Variants in HS6ST3 observed in about 807,000 individuals in gnomAD.
HS6ST3 encodes the protein heparan-sulfate 6-O-sulfotransferase 3.
In HS6ST3, 12 loss-of-function variants were observed where a neutral mutation model predicts 36.7. The observed-to-expected ratio is 0.33, with a 90% confidence interval of 0.21 to 0.53. The LOEUF is 0.53. HS6ST3 is among the 20% of genes least tolerant of loss of function. The pLI, the probability that HS6ST3 is intolerant of heterozygous loss-of-function variation, is 0.95. For missense variants in HS6ST3, 584 were observed against 640.9 expected (o/e 0.91, Z 0.96); for synonymous variants, 240 against 257.5 (o/e 0.93, Z 0.65).
intron 1 of HS6ST3, among the ~76,000 whole-genome samples, chr13:96,317,378 A>ATATAAAAT (rs1555297629): frequency 3.0e-5 from 3 of 101,326 alleles, no homozygotes; most frequent in Admixed American, 1.1e-4. Context: ...AAAATTATAT[A>ATATAAAAT]TATATATATA....
rs371114095 is a variant in HS6ST3 at position 96,606,279 on chromosome 13, T to C, written c.708-226211T>C. ...AAAAGACACATGCACTCGTATGTTA[T>C]TTGAAGCACTTTTCACACTAACAAA... On this transcript the variant is annotated intron_variant, in intron 1 of 1. Transcript: ENST00000376705. Among the ~76,000 whole-genome samples, 16 of 152,260 alleles carry C rather than the reference T, an allele frequency of 1.1e-4. 1 individual carries two copies. The highest frequency in any genetic ancestry group is 3.9e-4 in the African/African-American group (16 of 41,558).
intron 1 of HS6ST3, among the ~76,000 whole-genome samples, chr13:96,471,901 A>G (rs1216673688): frequency 1.3e-5 from 2 of 152,162 alleles, no homozygotes; most frequent in Non-Finnish European, 2.9e-5. Flanking sequence ...ATGGGTATGT[A>G]GGAGCTGAGG....
intron 1 of HS6ST3, among the ~76,000 whole-genome samples, chr13:96,447,752 G>C (rs1317050457): frequency 6.6e-6 from 1 of 152,158 alleles, no homozygotes; most frequent in Non-Finnish European, 1.5e-5. Flanking sequence ...ATGCAAATCA[G>C]ACCACCTCCT....
intron 1 of HS6ST3, among the ~76,000 whole-genome samples, chr13:96,521,214 TG>T (rs768513118): frequency 1.6e-4 from 24 of 152,238 alleles, no homozygotes; most frequent in Non-Finnish European, 3.4e-4. Flanking sequence ...TTGATTGTGG[TG>T]GACAAGCTTT....
chr13:96,666,917 A>G (rs1398822651), intron 1 of HS6ST3, among the ~76,000 whole-genome samples: 1 of 152,196 alleles, frequency 6.6e-6, no homozygotes, highest in African/African-American at 2.4e-5. Context: ...TTTTAATTGT[A>G]TAATGTCATC....
At chr13:96,623,021 C>T (rs538568022) in intron 1 of HS6ST3, among the ~76,000 whole-genome samples, 1 of 152,266 alleles carries the variant, frequency 6.6e-6, no homozygotes, top group Admixed American at 6.5e-5. Flanking sequence ...TTTTATTCTA[C>T]ATCTCATAGT....
intron 1 of HS6ST3, among the ~76,000 whole-genome samples, chr13:96,459,433 A>T (rs2055771621): frequency 6.6e-6 from 1 of 152,118 alleles, no homozygotes; most frequent in African/African-American, 2.4e-5. Flanking sequence ...AAGTTAAAAA[A>T]AAACTGAAAG....
intron 1 of HS6ST3, among the ~76,000 whole-genome samples, chr13:96,691,233 T>C (rs1349367157): frequency 6.6e-6 from 1 of 152,164 alleles, no homozygotes; most frequent in African/African-American, 2.4e-5. Flanking sequence ...CAGGGCCATG[T>C]GTAAATGATT....
At chr13:96,499,003 A>G (rs2138911468) in intron 1 of HS6ST3, among the ~76,000 whole-genome samples, 1 of 151,610 alleles carries the variant, frequency 6.6e-6, no homozygotes, top group South Asian at 2.1e-4. Flanking sequence ...TGACAAAGGG[A>G]ATTAAACTGG....
chr13:96,128,665 C>A (rs2053962579), intron 1 of HS6ST3, among the ~76,000 whole-genome samples: 1 of 152,116 alleles, frequency 6.6e-6, no homozygotes, highest in Non-Finnish European at 1.5e-5. Context: ...CTGGTTCACC[C>A]CTTTCCTGGC....
chr13:96,382,328 T>C (rs2055345511), intron 1 of HS6ST3, among the ~76,000 whole-genome samples: 1 of 152,214 alleles, frequency 6.6e-6, no homozygotes, highest in African/African-American at 2.4e-5. Flanking sequence ...CTCTATTTCT[T>C]CCTTTCTAAA....
chr13:96,353,545 A>T (rs187932166), intron 1 of HS6ST3, among the ~76,000 whole-genome samples: 92 of 152,200 alleles, frequency 6.0e-4, no homozygotes, highest in Non-Finnish European at 9.1e-4. Flanking sequence ...TATTAGAAGA[A>T]AATGTTACCA....
chr13:96,366,455 A>G (rs2055263362), intron 1 of HS6ST3, among the ~76,000 whole-genome samples: 1 of 151,882 alleles, frequency 6.6e-6, no homozygotes, highest in Admixed American at 6.6e-5. Context: ...TCTCAAATAA[A>G]TAAATAAATA....
At chr13:96,817,056 C>T (rs1184027222) in intron 1 of HS6ST3, among the ~76,000 whole-genome samples, 1 of 152,106 alleles carries the variant, frequency 6.6e-6, no homozygotes, top group East Asian at 1.9e-4. Flanking sequence ...ACACCATCAG[C>T]ACCATCAGGC....
At chr13:96,781,949 T>A (rs1423463930) in intron 1 of HS6ST3, among the ~76,000 whole-genome samples, 1 of 152,186 alleles carries the variant, frequency 6.6e-6, no homozygotes, top group Non-Finnish European at 1.5e-5. Context: ...GAAAGAGTAA[T>A]CTTATTTTCA....
At chr13:96,443,641 C>T (rs889998626) in intron 1 of HS6ST3, among the ~76,000 whole-genome samples, 1 of 151,708 alleles carries the variant, frequency 6.6e-6, no homozygotes, top group African/African-American at 2.4e-5. Flanking sequence ...TATCTATTCA[C>T]TTATTTATTG....
intron 1 of HS6ST3, among the ~76,000 whole-genome samples, chr13:96,438,371 T>A (rs901951365): frequency 6.6e-6 from 1 of 152,368 alleles, no homozygotes; most frequent in East Asian, 1.9e-4. Context: ...CATACTCTTA[T>A]GTGAAATTCT....
intron 1 of HS6ST3, among the ~76,000 whole-genome samples, chr13:96,152,499 G>A (rs1359601847): frequency 3.3e-5 from 5 of 151,710 alleles, no homozygotes; most frequent in African/African-American, 9.7e-5. Flanking sequence ...CACCACGCCC[G>A]GCTAATTTTT....
At chr13:96,377,710 C>A (rs1291812456) in intron 1 of HS6ST3, among the ~76,000 whole-genome samples, 1 of 152,040 alleles carries the variant, frequency 6.6e-6, no homozygotes, top group Admixed American at 6.6e-5. Flanking sequence ...TTTGACGTGG[C>A]CCTTGAGGCA....
Sources: allele counts gnomAD v4.1 joint callset (sites outside exome capture counted in the v4.1 genomes callset), GRCh38; gene constraint gnomAD v4.1.1; transcripts MANE v1.5; gene names NCBI Gene and HGNC (gene_info 2026-07-23, HGNC 2026-07-21).